COL24A1: variants seen among roughly 807,000 people sequenced by gnomAD.
COL24A1 encodes the protein collagen alpha-1(XXIV) chain.
COL24A1 carries 224 observed loss-of-function variants against 253.9 expected under a neutral mutation model. The ratio of observed to expected loss-of-function variants is 0.88; its 90% CI spans 0.79 to 0.99. The LOEUF (loss-of-function observed/expected upper bound fraction) is 0.99. COL24A1 is among the 50% of genes least tolerant of loss of function. The probability of loss-of-function intolerance (pLI) is 0.00; values close to 1 mark genes in which losing one functional copy is unlikely to be tolerated. For missense variants in COL24A1, 2,131 were observed against 2,068.5 expected, an observed-to-expected ratio of 1.03 and a Z score of -0.59; for synonymous variants, 685 against 673.7, an observed-to-expected ratio of 1.02 and a Z score of -0.26.
intron 5 of COL24A1, among the ~76,000 whole-genome samples, chr1:86,105,384 G>A (rs965907362): frequency 1.3e-4 from 20 of 152,194 alleles, no homozygotes; most frequent in African/African-American, 4.3e-4. Context: ...CAGCTGTTGC[G>A]TGTCCAGAGG....
chr1:86,145,625 T>C (rs1423684616), intron 2 of COL24A1, among the ~76,000 whole-genome samples: 1 of 152,116 alleles, frequency 6.6e-6, no homozygotes, highest in South Asian at 2.1e-4. Context: ...AGTAATTAAC[T>C]AGTAGGCACA....
intron 7 of COL24A1, among the ~76,000 whole-genome samples, chr1:86,069,946 C>T (rs188089521): frequency 5.3e-5 from 8 of 152,282 alleles, no homozygotes; most frequent in Admixed American, 1.3e-4. Context: ...AGTAACAACA[C>T]CACCACAAAA....
chr1:86,055,928 C>G (rs1445950670), intron 10 of COL24A1, among the ~76,000 whole-genome samples: 3 of 151,980 alleles, frequency 2.0e-5, no homozygotes, highest in Non-Finnish European at 4.4e-5. Flanking sequence ...CGAGACCAGC[C>G]TGGCCAATAT....
chr1:85,902,081 G>A (rs1232130428), intron 28 of COL24A1, among the ~76,000 whole-genome samples: 1 of 152,140 alleles, frequency 6.6e-6, no homozygotes, highest in African/African-American at 2.4e-5. Flanking sequence ...ATTATATTAA[G>A]TGAAATAACC....
chr1:85,802,104 T>C (rs1671490602), intron 47 of COL24A1, among the ~76,000 whole-genome samples: 1 of 152,212 alleles, frequency 6.6e-6, no homozygotes, highest in Non-Finnish European at 1.5e-5. Flanking sequence ...GTAGTCTTAT[T>C]AGTCTTCTGC....
In COL24A1 at chr1:85,847,657, A is replaced by G. The variant is rs1677276070; in HGVS notation, c.3462+8T>C. The G allele has an allele frequency of 3.1e-6, 5 of 1,607,964 alleles. No homozygotes were observed. In the Admixed American group the frequency reaches 8.4e-5, roughly 27 times the overall value. On this transcript the variant is annotated splice_region_variant and intron_variant, in intron 39 of 59. Coordinates refer to ENST00000370571, the MANE Select transcript of COL24A1 (RefSeq NM_152890.7). ...TGACTCAATTCTGGAAGCAAGTCAA[A>G]TACTGACCACAGCACCTCTAGTTCC...
At chr1:85,746,999 G>A (rs996448738) in intron 55 of COL24A1, among the ~76,000 whole-genome samples, 2 of 151,282 alleles carry the variant, frequency 1.3e-5, no homozygotes, top group East Asian at 1.9e-4. Flanking sequence ...ACCTAGCATA[G>A]TGGTTCTCAA....
At chr1:85,961,750 A>C (rs1174293706) in intron 23 of COL24A1, among the ~76,000 whole-genome samples, 4 of 152,180 alleles carry the variant, frequency 2.6e-5, no homozygotes, top group Non-Finnish European at 5.9e-5. Flanking sequence ...GGTAAAGGGG[A>C]AGCAAGCACA....
rs116292974 is a variant in COL24A1, at chr1:85,730,030, A to T, written c.*516T>A. The stretch of plus-strand genomic sequence containing the variant: ...GCACCTTGTTTTCGAAAGAGCACCA[A>T]GCAACACAAAGAGGCAACACGTAAG... On this transcript the variant is annotated 3_prime_UTR_variant, in exon 60 of 60. Coordinates refer to ENST00000370571, the MANE Select transcript of COL24A1 (RefSeq NM_152890.7). 297 of 152,884 alleles carry T rather than the reference A, an allele frequency of 1.9e-3. No individual in the cohort carries two copies. The highest frequency in any genetic ancestry group is 2.9e-3 in the Non-Finnish European group (196 of 68,116). The allele number at this position is 152,884 out of a possible 1,614,324, so 9.5% of individuals were successfully genotyped here.
chr1:85,847,838 T>C (rs560065449), intron 38 of COL24A1, 66 bp from the exon 39 acceptor site: 13 of 986,502 alleles, frequency 1.3e-5, no homozygotes, highest in Non-Finnish European at 1.4e-5. Flanking sequence ...ATTAACTATA[T>C]CATATTCCTG....
intron 43 of COL24A1, among the ~76,000 whole-genome samples, chr1:85,835,454 TATC>T (rs1294790037): frequency 6.6e-6 from 1 of 152,132 alleles, no homozygotes; most frequent in Non-Finnish European, 1.5e-5. Context: ...TTAGAAATGT[TATC>T]ATACATAACA....
intron 37 of COL24A1, among the ~76,000 whole-genome samples, chr1:85,863,423 T>C (rs1441856807): frequency 6.6e-6 from 1 of 152,140 alleles, no homozygotes; most frequent in Non-Finnish European, 1.5e-5. Flanking sequence ...TAGACTTCAA[T>C]GTTAGATCTA....
At chr1:86,149,612 C>T (rs773626622) in intron 1 of COL24A1, among the ~76,000 whole-genome samples, 24 of 152,248 alleles carry the variant, frequency 1.6e-4, no homozygotes, top group Non-Finnish European at 2.9e-5. Flanking sequence ...AACAACCCAA[C>T]AGGCACTTTT....
At chr1:85,872,542 C>A (rs1256036798) in intron 35 of COL24A1, among the ~76,000 whole-genome samples, 1 of 152,102 alleles carries the variant, frequency 6.6e-6, no homozygotes, top group Non-Finnish European at 1.5e-5. Flanking sequence ...CACATCTCTA[C>A]AACCATCTGA....
rs138108045 is a variant in COL24A1, at chr1:85,924,155, T to A, written c.2563-12722A>T. Among the ~76,000 whole-genome samples the A allele has an allele frequency of 1.0e-3, 155 of 151,980 alleles. 1 individual carries two copies. The East Asian group carries it at 0.011, about 10-fold the overall frequency. On this transcript the variant is annotated intron_variant, in intron 24 of 59. Transcript: ENST00000370571. ...AATCTGTAAATAGGCCAATAACAAG[T>A]TCTGAAATTGAGGCAATAATTAATA... is the stretch of plus-strand genomic sequence containing the variant.
intron 19 of COL24A1, among the ~76,000 whole-genome samples, chr1:86,000,907 G>A (rs977151272): frequency 6.6e-6 from 1 of 152,164 alleles, no homozygotes. Flanking sequence ...ATATAAGAAG[G>A]TGCTCTGCTG....
At chr1:85,895,080 A>C (rs1194348080) in intron 31 of COL24A1, among the ~76,000 whole-genome samples, 1 of 152,172 alleles carries the variant, frequency 6.6e-6, no homozygotes, top group African/African-American at 2.4e-5. Flanking sequence ...GAAAGTAAAA[A>C]TATCCATATA....
chr1:86,013,177 AT>A (rs1344809701), intron 19 of COL24A1, among the ~76,000 whole-genome samples: 2 of 152,312 alleles, frequency 1.3e-5, no homozygotes, highest in Admixed American at 1.3e-4. Flanking sequence ...TAACCCCAAA[AT>A]TCTGTAATTT....
At chr1:86,014,862 ACTC>A (rs760292757) in intron 19 of COL24A1, among the ~76,000 whole-genome samples, 25 of 151,284 alleles carry the variant, frequency 1.7e-4, no homozygotes, top group Admixed American at 1.2e-3. Context: ...TCTCCTTGGC[ACTC>A]CTCCTTCCCT....
Sources: allele counts gnomAD v4.1 joint callset (sites outside exome capture counted in the v4.1 genomes callset), GRCh38; gene constraint gnomAD v4.1.1; transcripts MANE v1.5; gene names NCBI Gene and HGNC (gene_info 2026-07-23, HGNC 2026-07-21).